DDX25: variants seen among roughly 807,000 people sequenced by gnomAD.
DDX25 encodes the protein DEAD-box helicase 25.
DDX25 carries 70 observed loss-of-function variants against 64.6 expected under a neutral mutation model. That is an observed-to-expected ratio of 1.08 (90% CI 0.89 to 1.32). The LOEUF is 1.32. DDX25 is among the 40% of genes most tolerant of loss of function. The probability of loss-of-function intolerance (pLI) is 0.00; values close to 1 mark genes in which losing one functional copy is unlikely to be tolerated. For synonymous variants in DDX25, 211 were observed against 213.3 expected (o/e 0.99, Z 0.09); for missense variants, 587 against 604.4 (o/e 0.97, Z 0.30).
Position 125,925,282 on chromosome 11 carries a change from G to T in DDX25, c.*2401G>T. On this transcript the variant is annotated 3_prime_UTR_variant, in exon 12 of 12. Transcript: ENST00000263576. ...TGTCCTCAGTAATTTTTGTTTGGCAGCTGTTCCCACAGGTCTGCATGAACC... is the reference window on the plus strand; with the variant it reads ...TGTCCTCAGTAATTTTTGTTTGGCATCTGTTCCCACAGGTCTGCATGAACC... 2.7e-6 allele frequency: 1 copy of T among 372,158 alleles called. No individual in the cohort carries two copies. The highest frequency in any genetic ancestry group is 3.1e-5 in the Admixed American group (1 of 32,708). The allele number at this position is 372,158 out of a possible 1,614,324, so 23.1% of individuals were successfully genotyped here. A position where few individuals can be genotyped will look rare whatever the true frequency, so the allele number is the denominator to read the frequency against.
Position 125,921,158 on chromosome 11 carries a change from T to C in DDX25, c.1202-33T>C. 3.8e-6 allele frequency: 6 copies of C among 1,586,644 alleles called. No individual in the cohort carries two copies. The highest frequency in any genetic ancestry group is 2.3e-5 in the East Asian group (1 of 44,348). ...AATGGCCCGTGTACTGAGGAAAGCA[T>C]TGCAGGACCCTACAGTGTTTTTCCT... On this transcript the variant is annotated intron_variant, in intron 10 of 11. Coordinates refer to ENST00000263576, the MANE Select transcript of DDX25 (RefSeq NM_013264.5). The surrounding 1 kb of genome is among the most constrained non-coding windows in gnomAD (Gnocchi z 4.1).
chr11:125,918,573 T>G, intron 9 of DDX25, 55 bp from the exon 10 acceptor site: 1 of 1,500,288 alleles, frequency 6.7e-7, no homozygotes, highest in Non-Finnish European at 9.1e-7. Flanking sequence ...CAAGCACAGC[T>G]AGGCTGCTTT....
rs965877812 is a variant in DDX25 at position 125,906,169 on chromosome 11, T to G, written c.271T>G (p.Ser91Ala). ...RVEVLQKDPS[S>A]PLYSVKTFEE... ...GGAAGTTTTACAGAAGGATCCCAGC[T>G]CTCCACTTTACTCAGTAAAGACATT... The change falls in exon 4 of 12, where the codon TCT becomes GCT. Residue 91 changes from serine to alanine, a missense_variant. Physicochemically the swap from Ser to Ala is moderately conservative, Grantham distance 99. Coordinates refer to ENST00000263576, the MANE Select transcript of DDX25 (RefSeq NM_013264.5). 3 of 1,550,886 alleles carry G rather than the reference T, an allele frequency of 1.9e-6. No homozygotes were observed. In the Admixed American group the frequency reaches 5.9e-5, roughly 30 times the overall value.
chr11:125,907,160 C>T (rs896906814), intron 4 of DDX25, among the ~76,000 whole-genome samples: 11 of 152,104 alleles, frequency 7.2e-5, no homozygotes, highest in African/African-American at 2.4e-4. Context: ...TTTTACAGAA[C>T]GAGAAAAGCA....
Position 125,908,199 on chromosome 11 carries a change from G to A in DDX25, c.315G>A (p.Lys105=), listed in dbSNP as rs573974802. The change falls in exon 5 of 12, where the codon AAG becomes AAA. Residue 105 remains lysine (K), a synonymous_variant. Coordinates refer to ENST00000263576, the MANE Select transcript of DDX25 (RefSeq NM_013264.5). The part of the protein sequence containing the change: ...SVKTFEELRL[K]EELLKGIYAM... ...GTTTGATTTTTTTTTTTGACAGAAA[G>A]GAAGAGTTACTAAAAGGAATCTATG... is the stretch of plus-strand genomic sequence containing the variant. 1.7e-5 allele frequency: 27 copies of A among 1,599,128 alleles called. No homozygotes were observed. Among genetic ancestry groups the A allele is most frequent in the South Asian group, 5.7e-5 (5 of 87,938 alleles).
In DDX25 at chr11:125,923,260, G is replaced by A; in HGVS notation, c.*379G>A. 5.8e-6 allele frequency: 1 copy of A among 173,700 alleles called. No individual in the cohort carries two copies. The highest frequency in any genetic ancestry group is 1.2e-5 in the Non-Finnish European group (1 of 82,272). The allele number at this position is 173,700 out of a possible 1,614,324, so 10.8% of individuals were successfully genotyped here. ...CTGATTTTGGAAGCGGAGCGAGTAG[G>A]AAAAAGCCCATGTCTTCAGACCTCA... On this transcript the variant is annotated 3_prime_UTR_variant, in exon 12 of 12. Transcript: ENST00000263576.
rs1282380245 is a variant in DDX25, at chr11:125,906,185, TAA to T, written c.289_290del (p.Lys97AspfsTer3). On this transcript the variant is annotated frameshift_variant, in exon 4 of 12. Transcript: ENST00000263576. LOFTEE classifies it high-confidence loss of function. ...GATCCCAGCTCTCCACTTTACTCAG[TAA>T]AGACATTTGAAGAGCTGCGGCTGTG... is the stretch of plus-strand genomic sequence containing the variant. The T allele has an allele frequency of 6.5e-7, 1 of 1,545,390 alleles. No homozygotes were observed. The highest frequency in any genetic ancestry group is 8.7e-7 in the Non-Finnish European group (1 of 1,145,386).
intron 2 of DDX25, 97 bp from the exon 3 acceptor site, chr11:125,905,456 A>G: frequency 7.3e-7 from 1 of 1,374,938 alleles, no homozygotes; most frequent in East Asian, 2.5e-5. Flanking sequence ...TTGCCAGTAG[A>G]CACTGAAGAG....
chr11:125,907,187 T>C (rs1944899661), intron 4 of DDX25, among the ~76,000 whole-genome samples: 1 of 152,194 alleles, frequency 6.6e-6, no homozygotes. Flanking sequence ...CCTACTTATG[T>C]AAAGGGTAAA....
chr11:125,907,345 A>G (rs568313703), intron 4 of DDX25, among the ~76,000 whole-genome samples: 3 of 152,204 alleles, frequency 2.0e-5, no homozygotes, highest in South Asian at 4.1e-4. Flanking sequence ...GCGGTGGCTC[A>G]CGCCTGTAAT....
intron 8 of DDX25, 114 bp from the exon 9 acceptor site, chr11:125,916,899 GC>G: frequency 1.0e-6 from 1 of 982,488 alleles, no homozygotes; most frequent in Non-Finnish European, 1.5e-6. Flanking sequence ...GTCATTGCAG[GC>G]AGCACCTCAC....
Position 125,918,626 on chromosome 11 carries a change from A to C in DDX25, c.1039-2A>C. ...TGTGTTGGGTTTTGCCTTTTTACAT[A>C]GACTCGTCGAAACGCTAAGTGGTTG... On this transcript the variant is annotated splice_acceptor_variant, in intron 9 of 11. Coordinates refer to ENST00000263576, the MANE Select transcript of DDX25 (RefSeq NM_013264.5). LOFTEE classifies it high-confidence loss of function. 1 of 1,611,882 alleles carries C rather than the reference A, an allele frequency of 6.2e-7. No individual in the cohort carries two copies. Among genetic ancestry groups the C allele is most frequent in the Non-Finnish European group, 8.5e-7 (1 of 1,178,644 alleles).
intron 7 of DDX25, among the ~76,000 whole-genome samples, chr11:125,910,929 G>C (rs1457090218): frequency 2.2e-5 from 3 of 135,234 alleles, no homozygotes; most frequent in Non-Finnish European, 4.8e-5. Context: ...TTTTTTTTTT[G>C]AGCTCATACA....
Position 125,918,665 on chromosome 11 carries a change from T to C in DDX25, c.1076T>C (p.Ile359Thr). Residue 359 changes from isoleucine to threonine, a missense_variant, in exon 10 of 12, where the codon ATA becomes ACA. By Grantham distance (89) the Ile-to-Thr change is moderately conservative. Coordinates refer to ENST00000263576, the MANE Select transcript of DDX25 (RefSeq NM_013264.5). Reference protein sequence around the residue: ...RNAKWLTVEMIQDGHQVSLLS... With the variant: ...RNAKWLTVEMTQDGHQVSLLS... ...GCTAAGTGGTTGACCGTGGAGATGATACAGGATGGCCACCAGGTGTCTTTG... is the reference window on the plus strand; with the variant it reads ...GCTAAGTGGTTGACCGTGGAGATGACACAGGATGGCCACCAGGTGTCTTTG... 6.2e-7 allele frequency: 1 copy of C among 1,613,930 alleles called. No homozygotes were observed. Among genetic ancestry groups the C allele is most frequent in the Admixed American group, 1.7e-5 (1 of 60,026 alleles).
At position 125,908,457 on chromosome 11, in the gene DDX25, T is replaced by C; in HGVS notation, c.461T>C (p.Val154Ala). 3 of 1,613,972 alleles carry C rather than the reference T, an allele frequency of 1.9e-6. No homozygotes were observed. Among genetic ancestry groups the C allele is most frequent in the Non-Finnish European group, 2.5e-6 (3 of 1,179,890 alleles). The change falls in exon 6 of 12, where the codon GTG (valine) becomes GCG (alanine). Residue 154 changes from valine (V) to alanine (A), a missense_variant. Val to Ala is a moderately conservative substitution (Grantham distance 64). Coordinates refer to ENST00000263576, the MANE Select transcript of DDX25 (RefSeq NM_013264.5). ...QSGTGKTAAF[V>A]LAMLSRVNAL... ...GGAACAGGAAAGACAGCGGCATTTG[T>C]GTTGGCAATGTTAAGCAGAGTTAAT...
Position 125,924,282 on chromosome 11 carries a change from C to A in DDX25, c.*1401C>A, listed in dbSNP as rs1945149220. On this transcript the variant is annotated 3_prime_UTR_variant, in exon 12 of 12. Transcript: ENST00000263576. ...ACTCTATCTCAAAAAAAACGCGCTC[C>A]CCTCCCTCATTTAGCAACAGATATT... The A allele has an allele frequency of 6.6e-6, 1 of 152,118 alleles. No homozygotes were observed. The highest frequency in any genetic ancestry group is 1.9e-4 in the East Asian group (1 of 5,190). 9.4% of individuals were successfully genotyped at this position (152,118 alleles called of 1,614,324 possible).
intron 10 of DDX25, among the ~76,000 whole-genome samples, chr11:125,919,009 G>A (rs185343541): frequency 6.6e-6 from 1 of 152,030 alleles, no homozygotes; most frequent in Admixed American, 6.5e-5. Flanking sequence ...TCAGATTTCT[G>A]TCTCCATATT....
chr11:125,909,216 C>T (rs914504427), intron 6 of DDX25, among the ~76,000 whole-genome samples: 4 of 152,176 alleles, frequency 2.6e-5, no homozygotes, highest in Non-Finnish European at 5.9e-5. Context: ...TACCAAGGCT[C>T]TCTCAGTAAG....
At chr11:125,908,081 A>G in intron 4 of DDX25, 115 bp from the exon 5 acceptor site, 1 of 774,576 alleles carries the variant, frequency 1.3e-6, no homozygotes, top group East Asian at 2.7e-5. Context: ...TCCAAATACT[A>G]GTTTTAAAGC....
Sources: gnomAD v4.1 joint callset for allele counts (sites outside exome capture counted in the v4.1 genomes callset) on GRCh38, gnomAD v4.1.1 for gene constraint, Gnocchi (gnomAD v3.1) non-coding constraint, MANE v1.5 for transcripts, NCBI Gene and HGNC (gene_info 2026-07-23, HGNC 2026-07-21) for gene names.